Variants in ATIC observed in about 807,000 individuals in gnomAD.
ATIC encodes 5-aminoimidazole-4-carboxamide ribonucleotide formyltransferase/IMP cyclohydrolase, also known as bifunctional purine biosynthesis protein ATIC.
ATIC carries 64 observed loss-of-function variants against 72.5 expected under a neutral mutation model. The ratio of observed to expected loss-of-function variants is 0.88; its 90% confidence interval spans 0.72 to 1.09. The LOEUF is 1.09. Ranked by LOEUF, ATIC falls within the 50% of genes least tolerant of loss-of-function variation. The pLI is 0.00. For synonymous variants in ATIC, 281 were observed against 267.1 expected, an observed-to-expected ratio of 1.05 and a Z score of -0.51; for missense variants, 787 against 732.4, an observed-to-expected ratio of 1.07 and a Z score of -0.86.
chr2:215,348,966 A>AT (rs1553574962), intron 14 of ATIC, 128 bp from the exon 15 acceptor site: 407 of 680,908 alleles, frequency 6.0e-4, no homozygotes, highest in East Asian at 2.6e-3. Context: ...AAAAAAAAAA[A>AT]AATAATAATA....
intron 7 of ATIC, among the ~76,000 whole-genome samples, chr2:215,331,895 T>C (rs1328278650): frequency 6.6e-6 from 1 of 152,122 alleles, no homozygotes; most frequent in East Asian, 1.9e-4. Flanking sequence ...AAAAAACACA[T>C]TATTTCTTCT....
the ATIC span, chr2:215,367,826 A>G: frequency 8.9e-5 from 144 of 1,609,922 alleles, 1 homozygote; most frequent in Middle Eastern, 2.5e-3. Flanking sequence ...ACTTGAGGAG[A>G]CAAACACGGA....
intron 8 of ATIC, among the ~76,000 whole-genome samples, chr2:215,332,923 T>TTGTC (rs2052911836): frequency 6.6e-6 from 1 of 152,160 alleles, no homozygotes; most frequent in African/African-American, 2.4e-5. Flanking sequence ...CGCAATTGAG[T>TTGTC]TGTCTGTACA....
At chr2:215,330,682 T>G (rs904886184) in intron 7 of ATIC, among the ~76,000 whole-genome samples, 10 of 152,008 alleles carry the variant, frequency 6.6e-5, no homozygotes, top group Non-Finnish European at 1.3e-4. Flanking sequence ...TCCCCAACCC[T>G]TTGCAACCAC....
At chr2:215,341,257 A>C (rs1262754933) in intron 12 of ATIC, among the ~76,000 whole-genome samples, 1 of 152,050 alleles carries the variant, frequency 6.6e-6, no homozygotes, top group Non-Finnish European at 1.5e-5. Flanking sequence ...TTTGGAATCC[A>C]CTCTGGTTGG....
At chr2:215,314,463 C>T (rs956072867) in intron 2 of ATIC, among the ~76,000 whole-genome samples, 7 of 152,068 alleles carry the variant, frequency 4.6e-5, no homozygotes, top group East Asian at 1.9e-4. Flanking sequence ...TTAAGTAACT[C>T]GCTCGAGATT....
rs553998884 is a variant in ATIC at position 215,332,666 on chromosome 2, TACAC to T, written c.814+171_814+174del. ...ATCAATGTAATAATATAAAATCTGA[TACAC>T]ACACACACACAGAATTGTGTAATAT... On this transcript the variant is annotated intron_variant, in intron 8 of 15. Coordinates refer to ENST00000236959, the MANE Select transcript of ATIC (RefSeq NM_004044.7). 2.4e-3 allele frequency among the ~76,000 whole-genome samples: 366 copies of T among 151,832 alleles called. 7 individuals are homozygous for T. The highest frequency in any genetic ancestry group is 1.9e-3 in the Non-Finnish European group (130 of 67,902).
the ATIC span, among the ~76,000 whole-genome samples, chr2:215,358,475 A>G: frequency 3.3e-5 from 5 of 152,224 alleles, no homozygotes; most frequent in African/African-American, 1.2e-4. Flanking sequence ...GTTTGAGATC[A>G]GGAGTAAACA....
chr2:215,348,963 A>T (rs551296040), intron 14 of ATIC, 131 bp from the exon 15 acceptor site: 461 of 783,104 alleles, frequency 5.9e-4, no homozygotes, highest in Middle Eastern at 2.0e-3. Flanking sequence ...TCTAAAAAAA[A>T]AAAAATAATA....
At chr2:215,363,167 C>G in the ATIC span, 1 of 152,140 alleles carries the variant, frequency 6.6e-6, no homozygotes, top group Non-Finnish European at 1.5e-5. Flanking sequence ...AGAAAGTGAA[C>G]AGTTTCCACT....
rs183441739 is a variant in ATIC at position 215,349,641 on chromosome 2, C to T, written c.1765C>T (p.Leu589Phe). The change falls in exon 16 of 16, where the codon CTC (leucine) becomes TTC (phenylalanine). Residue 589 changes from leucine to phenylalanine, a missense_variant. By Grantham distance (22) the Leu-to-Phe change is conservative (BLOSUM62 0). Coordinates refer to ENST00000236959, the MANE Select transcript of ATIC (RefSeq NM_004044.7). ...CATCCTCGCTCATACGAACCTTCGG[C>T]TCTTCCACCACTGATTTTACCACAC... ...GIILAHTNLRLFHH is the reference protein window; with the variant it reads ...GIILAHTNLRFFHH The T allele has an allele frequency of 3.7e-6, 6 of 1,614,188 alleles. No individual in the cohort carries two copies. In the Admixed American group the frequency reaches 8.3e-5, roughly 22 times the overall value.
intron 15 of ATIC, 110 bp downstream of exon 15, chr2:215,349,359 A>G: frequency 6.3e-7 from 1 of 1,577,610 alleles, no homozygotes; most frequent in Non-Finnish European, 8.7e-7. Flanking sequence ...ACAGATCAGT[A>G]ATATTCAGAG....
At chr2:215,336,618 T>A (rs1451349985) in intron 11 of ATIC, among the ~76,000 whole-genome samples, 2 of 152,252 alleles carry the variant, frequency 1.3e-5, no homozygotes, top group African/African-American at 2.4e-5. Context: ...AATATTTGCA[T>A]GTGCATTTCT....
chr2:215,340,653 T>C (rs2053009625), intron 12 of ATIC, among the ~76,000 whole-genome samples: 1 of 152,154 alleles, frequency 6.6e-6, no homozygotes, highest in South Asian at 2.1e-4. Context: ...TTGTTGAGCT[T>C]CCTAAAGGCT....
At chr2:215,345,793 A>C (rs1475065935) in intron 13 of ATIC, among the ~76,000 whole-genome samples, 1 of 152,122 alleles carries the variant, frequency 6.6e-6, no homozygotes, top group Non-Finnish European at 1.5e-5. Context: ...GTTGAGGAGG[A>C]GGCGGCTGCC....
In ATIC at chr2:215,312,118, C is replaced by G; in HGVS notation, c.-25C>G. On this transcript the variant is annotated 5_prime_UTR_variant, in exon 1 of 16. Coordinates refer to ENST00000236959, the MANE Select transcript of ATIC (RefSeq NM_004044.7). ...GGTGCCGCCGCTGCTGCCTCCCGCTCGCCCTGAACCCAGTGCCTGCAGCCA... is the reference window on the plus strand; with the variant it reads ...GGTGCCGCCGCTGCTGCCTCCCGCTGGCCCTGAACCCAGTGCCTGCAGCCA... The G allele has an allele frequency of 6.5e-7, 1 of 1,530,322 alleles. No individual in the cohort carries two copies. The allele number at this position is 1,530,322 out of a possible 1,614,324, so 94.8% of individuals were successfully genotyped here.
intron 9 of ATIC, 122 bp from the exon 10 acceptor site, chr2:215,334,797 T>A: frequency 1.3e-6 from 1 of 791,362 alleles, no homozygotes; most frequent in Non-Finnish European, 2.1e-6. Context: ...TCTGTTAAAA[T>A]CTTATGTAAA....
the ATIC span, among the ~76,000 whole-genome samples, chr2:215,356,072 C>T: frequency 5.1e-3 from 776 of 152,292 alleles, 6 homozygotes; most frequent in African/African-American, 0.018. Flanking sequence ...ATTCACATTG[C>T]CTTTCCCGCA....
intron 2 of ATIC, among the ~76,000 whole-genome samples, chr2:215,313,009 A>AT (rs1218368810): frequency 6.6e-6 from 1 of 151,302 alleles, no homozygotes; most frequent in Non-Finnish European, 1.5e-5. Context: ...AGGCAGGAGA[A>AT]TCGCTTGAAC....
Sources: allele counts gnomAD v4.1 joint callset (sites outside exome capture counted in the v4.1 genomes callset), GRCh38; gene constraint gnomAD v4.1.1; transcripts MANE v1.5; gene names NCBI Gene and HGNC (gene_info 2026-07-23, HGNC 2026-07-21).